The following MTREX variants were observed in gnomAD, a reference collection of about 807,000 sequenced individuals.
MTREX encodes the protein Mtr4 exosome RNA helicase.
Under a neutral mutation model 135.4 loss-of-function variants are expected in MTREX, and 76 were observed. That is an observed-to-expected ratio of 0.56 (90% CI 0.47 to 0.68). MTREX has a LOEUF of 0.68. Among genes scored for constraint, MTREX ranks in the 30% least tolerant of loss-of-function variants. The pLI is 0.00. For missense variants in MTREX, 920 were observed against 1,262.1 expected (o/e 0.73, Z 4.11); for synonymous variants, 404 against 401.6 (o/e 1.01, Z -0.07).
chr5:55,379,295 G>A (rs1750355909), intron 18 of MTREX, 100 bp downstream of exon 18: 2 of 665,598 alleles, frequency 3.0e-6, no homozygotes, highest in Non-Finnish European at 5.1e-6. Context: ...ATTACCTGAA[G>A]AGAAGCAGTA....
At chr5:55,341,479 T>C (rs1749648726) in intron 6 of MTREX, among the ~76,000 whole-genome samples, 1 of 152,146 alleles carries the variant, frequency 6.6e-6, no homozygotes, top group Non-Finnish European at 1.5e-5. Context: ...GAATATACAA[T>C]ATAATATACA....
At chr5:55,389,788 CAG>C (rs1353650177) in intron 19 of MTREX, among the ~76,000 whole-genome samples, 1 of 151,980 alleles carries the variant, frequency 6.6e-6, no homozygotes, top group Non-Finnish European at 1.5e-5. Flanking sequence ...AAACAATGTA[CAG>C]AGAGAGGGAC....
At chr5:55,392,360 G>A (rs562669169) in intron 19 of MTREX, among the ~76,000 whole-genome samples, 10 of 151,876 alleles carry the variant, frequency 6.6e-5, no homozygotes, top group African/African-American at 1.5e-4. Context: ...CCTGGCCAAC[G>A]TGGCCAAAAC....
chr5:55,316,519 C>G (rs1338481926), intron 1 of MTREX, among the ~76,000 whole-genome samples: 1 of 152,102 alleles, frequency 6.6e-6, no homozygotes, highest in Non-Finnish European at 1.5e-5. Context: ...ATGAACAGAA[C>G]TAAAGACAAA....
Position 55,353,193 on chromosome 5 carries a change from C to A in MTREX, c.1457C>A (p.Ala486Asp). 6.2e-7 allele frequency: 1 copy of A among 1,606,714 alleles called. No individual in the cohort carries two copies. The highest frequency in any genetic ancestry group is 8.5e-7 in the Non-Finnish European group (1 of 1,176,840). The change falls in exon 14 of 27, where the codon GCT becomes GAT. Residue 486 changes from alanine (A) to aspartate (D), a missense_variant. Physicochemically the swap from Ala to Asp is moderately radical, Grantham distance 126. Around this residue, in one of 6 missense-constraint regions of MTREX, gnomAD observed 46 missense variants for 116.8 expected, o/e 0.39. Transcript: ENST00000230640. ...IKALFATETF[A>D]MGINMPARTV... is the part of the protein sequence containing the mutation. ...GCCTTATTTGCCACGGAGACCTTTG[C>A]TATGGGAATTAACATGCCAGCTAGA...
intron 18 of MTREX, among the ~76,000 whole-genome samples, chr5:55,387,070 C>G (rs1272848543): frequency 6.6e-6 from 1 of 151,978 alleles, no homozygotes. Context: ...TTTGCAGCTT[C>G]CTTTAAAATA....
chr5:55,366,264 G>A (rs774024127), intron 15 of MTREX, among the ~76,000 whole-genome samples: 1 of 152,166 alleles, frequency 6.6e-6, no homozygotes, highest in Non-Finnish European at 1.5e-5. Context: ...TGAAGTTGGA[G>A]GATTGAGCCA....
chr5:55,332,299 T>C (rs1192894101), intron 5 of MTREX, among the ~76,000 whole-genome samples: 2 of 152,226 alleles, frequency 1.3e-5, no homozygotes, highest in Non-Finnish European at 2.9e-5. Context: ...ATTTAACTTT[T>C]ACAATTTATA....
intron 11 of MTREX, among the ~76,000 whole-genome samples, chr5:55,348,629 T>A (rs1046782834): frequency 6.6e-6 from 1 of 152,212 alleles, no homozygotes; most frequent in Admixed American, 6.5e-5. Flanking sequence ...TACTTTTCCA[T>A]GAGTAAAAGT....
At chr5:55,379,309 A>G (rs1189337971) in intron 18 of MTREX, 114 bp downstream of exon 18, 9 of 610,714 alleles carry the variant, frequency 1.5e-5, no homozygotes, top group Non-Finnish European at 2.5e-5. Flanking sequence ...AGCAGTAATA[A>G]ATTCTGCCAT....
chr5:55,337,081 G>A (rs1749566214), intron 5 of MTREX, among the ~76,000 whole-genome samples: 1 of 151,946 alleles, frequency 6.6e-6, no homozygotes, highest in African/African-American at 2.4e-5. Context: ...TTAATTTCCT[G>A]TTTTTTAAAG....
intron 21 of MTREX, 175 bp from the exon 22 acceptor site, chr5:55,405,250 G>T: frequency 2.0e-6 from 1 of 499,402 alleles, no homozygotes; most frequent in East Asian, 2.9e-5. Flanking sequence ...GTAATGTTCC[G>T]GGAATGTATC....
chr5:55,336,441 C>T (rs1279071377), intron 5 of MTREX, among the ~76,000 whole-genome samples: 1 of 152,052 alleles, frequency 6.6e-6, no homozygotes, highest in Non-Finnish European at 1.5e-5. Flanking sequence ...GAATTTTTAT[C>T]AAGATATGTT....
At chr5:55,337,302 T>G (rs1174236300) in intron 5 of MTREX, among the ~76,000 whole-genome samples, 2 of 151,664 alleles carry the variant, frequency 1.3e-5, no homozygotes, top group African/African-American at 4.8e-5. Context: ...TATATTTTAT[T>G]TATTTATTTA....
chr5:55,398,873 AT>A (rs923910645), intron 20 of MTREX, among the ~76,000 whole-genome samples: 1 of 152,034 alleles, frequency 6.6e-6, no homozygotes, highest in Admixed American at 6.6e-5. Context: ...AAGTTAGACT[AT>A]TTTTTTCTTG....
chr5:55,328,121 G>A (rs1372842191), intron 4 of MTREX, among the ~76,000 whole-genome samples: 1 of 152,098 alleles, frequency 6.6e-6, no homozygotes, highest in Non-Finnish European at 1.5e-5. Context: ...GGAACTCTGT[G>A]CTTTTTTTAG....
intron 13 of MTREX, among the ~76,000 whole-genome samples, chr5:55,351,327 G>A (rs913546619): frequency 2.0e-5 from 3 of 152,178 alleles, no homozygotes; most frequent in African/African-American, 7.2e-5. Flanking sequence ...GAGGTCGGGA[G>A]TTCGAGACCA....
intron 1 of MTREX, among the ~76,000 whole-genome samples, chr5:55,316,857 A>G (rs933615714): frequency 2.0e-5 from 3 of 152,216 alleles, no homozygotes; most frequent in Non-Finnish European, 4.4e-5. Flanking sequence ...TGCAGACAAC[A>G]TAATTCTATA....
chr5:55,314,291 A>G (rs1390286508), intron 1 of MTREX, among the ~76,000 whole-genome samples: 1 of 152,318 alleles, frequency 6.6e-6, no homozygotes, highest in East Asian at 1.9e-4. Context: ...AGTGATGTTC[A>G]TGTCCCAATC....
Sources: gnomAD v4.1 joint callset for allele counts (sites outside exome capture counted in the v4.1 genomes callset) on GRCh38, gnomAD v4.1.1 for gene constraint, gnomAD v4.1.1 regional missense constraint, MANE v1.5 for transcripts, NCBI Gene and HGNC (gene_info 2026-07-23, HGNC 2026-07-21) for gene names.